Variants in RAB11FIP5 observed in about 807,000 individuals in gnomAD.
The protein encoded by RAB11FIP5 is rab11 family-interacting protein 5.
A neutral mutation model predicts 85.1 loss-of-function variants in RAB11FIP5; 48 were observed. The ratio of observed to expected loss-of-function variants is 0.56; its 90% confidence interval spans 0.45 to 0.72. The LOEUF (loss-of-function observed/expected upper bound fraction) is 0.72, where lower values mean the gene tolerates loss of function less well. Ranked by LOEUF, RAB11FIP5 falls within the 30% of genes least tolerant of loss-of-function variation. The pLI is 0.00. For missense variants in RAB11FIP5, 1,491 were observed against 1,687.0 expected (o/e 0.88, Z 2.04); for synonymous variants, 729 against 727.3 (o/e 1.00, Z -0.04).
At chr2:73,105,498 C>T (rs1684507028) in intron 1 of RAB11FIP5, among the ~76,000 whole-genome samples, 1 of 152,030 alleles carries the variant, frequency 6.6e-6, no homozygotes, top group Non-Finnish European at 1.5e-5. Flanking sequence ...CTGACGCGGC[C>T]TCCCAAAGTG....
chr2:73,112,812 G>C lies in RAB11FIP5; in HGVS notation c.-35C>G. On this transcript the variant is annotated 5_prime_UTR_variant, in exon 1 of 6. Transcript: ENST00000486777. ...GCGGGGGGCGAGGTCTGGCCGAGCC[G>C]GTGCAGACCCCAGGACCTGGTGACA... 7.2e-7 allele frequency: 1 copy of C among 1,397,772 alleles called. No individual in the cohort carries two copies. The highest frequency in any genetic ancestry group is 9.2e-7 in the Non-Finnish European group (1 of 1,085,902). 86.6% of individuals were successfully genotyped at this position (1,397,772 alleles called of 1,614,324 possible). A position where few individuals can be genotyped will look rare whatever the true frequency, so the allele number is the denominator to read the frequency against.
At position 73,080,429 on chromosome 2, in the gene RAB11FIP5, C is replaced by T. The variant is rs114231807; in HGVS notation, c.2803G>A (p.Glu935Lys). Reference protein sequence around the residue: ...LSNRGPETEGEDASPSALVVG... With the variant: ...LSNRGPETEGKDASPSALVVG... ...ACCAGTGCACTTGGGGAGGCATCTT[C>T]TCCCTCTGTCTCCGGCCCCCTGTTA... Residue 935 changes from glutamate (E) to lysine (K), a missense_variant, in exon 4 of 6, where the codon GAA becomes AAA. By Grantham distance (56) the Glu-to-Lys change is moderately conservative. This residue lies in a region of RAB11FIP5 where 1,211 missense variants were observed against 1,338.0 expected (regional missense o/e 0.91). Coordinates refer to ENST00000486777, the MANE Select transcript of RAB11FIP5 (RefSeq NM_001371272.1). The T allele has an allele frequency of 9.6e-4, 1,185 of 1,233,518 alleles. 7 individuals are homozygous for T. The African/African-American group carries it at 0.015, about 15-fold the overall frequency. 76.4% of individuals were successfully genotyped at this position (1,233,518 alleles called of 1,614,324 possible). A position where few individuals can be genotyped will look rare whatever the true frequency, so the allele number is the denominator to read the frequency against.
intron 3 of RAB11FIP5, among the ~76,000 whole-genome samples, chr2:73,087,276 A>G (rs1229101441): frequency 1.3e-5 from 2 of 152,206 alleles, no homozygotes; most frequent in African/African-American, 4.8e-5. Context: ...ACAATTCTGC[A>G]GCCTCTCCTG....
At chr2:73,082,177 A>T (rs1217558783) in intron 3 of RAB11FIP5, among the ~76,000 whole-genome samples, 2 of 151,828 alleles carry the variant, frequency 1.3e-5, no homozygotes, top group African/African-American at 4.8e-5. Flanking sequence ...CACCTGAATA[A>T]TTTTTGTATT....
intron 3 of RAB11FIP5, among the ~76,000 whole-genome samples, chr2:73,082,029 G>A (rs979442283): frequency 2.0e-5 from 3 of 146,846 alleles, no homozygotes; most frequent in Admixed American, 6.8e-5. Flanking sequence ...ATCTGAAAGC[G>A]CCTTACATCC....
chr2:73,101,366 C>T (rs1201282534), intron 1 of RAB11FIP5, among the ~76,000 whole-genome samples: 1 of 152,116 alleles, frequency 6.6e-6, no homozygotes, highest in Non-Finnish European at 1.5e-5. Context: ...TATTTGGATC[C>T]TAACTCAACA....
Position 73,080,027 on chromosome 2 carries a change from G to A in RAB11FIP5, c.3205C>T (p.Gln1069Ter), listed in dbSNP as rs967506479. 1.6e-6 allele frequency: 2 copies of A among 1,232,110 alleles called. No homozygotes were observed. Among genetic ancestry groups the A allele is most frequent in the Non-Finnish European group, 2.0e-6 (2 of 988,080 alleles). 76.3% of individuals were successfully genotyped at this position (1,232,110 alleles called of 1,614,324 possible). A position where few individuals can be genotyped will look rare whatever the true frequency, so the allele number is the denominator to read the frequency against. Residue 1069 changes from glutamine to a stop codon, truncating the protein, a stop_gained, in exon 4 of 6, where the codon CAG becomes TAG. Transcript: ENST00000486777. LOFTEE classifies it high-confidence loss of function. ...AGGCTGGGAGGATCTCGGCTCCCCT[G>A]AAACAAGAAGGGGTTCAAGGCATCT... ...KEDALNPFLF[Q>*]GSRDPPSLSS...
At chr2:73,090,735 T>C (rs1348411772) in intron 1 of RAB11FIP5, among the ~76,000 whole-genome samples, 2 of 152,200 alleles carry the variant, frequency 1.3e-5, no homozygotes, top group South Asian at 2.1e-4. Flanking sequence ...TGCTGGGGGA[T>C]TGAAGAGAGG....
At chr2:73,092,007 G>A (rs944550256) in intron 1 of RAB11FIP5, among the ~76,000 whole-genome samples, 3 of 152,210 alleles carry the variant, frequency 2.0e-5, no homozygotes, top group African/African-American at 7.2e-5. Flanking sequence ...ACTGGAGGAT[G>A]TATGTGAGGG....
rs1455462483 is a variant in RAB11FIP5 at position 73,112,354 on chromosome 2, G to T, written c.424C>A (p.His142Asn). The T allele has an allele frequency of 1.9e-6, 3 of 1,584,056 alleles. No individual in the cohort carries two copies. Among genetic ancestry groups the T allele is most frequent in the Non-Finnish European group, 2.6e-6 (3 of 1,171,690 alleles). ...CCCGCGCCCCCTACTCACTGCGTGT[G>T]CTGGGCGCGGCCTGCGCCGAAGACC... Reference protein sequence around the residue: ...DEVFGAGRAQHTQWYKLHSKP... With the variant: ...DEVFGAGRAQNTQWYKLHSKP... Residue 142 changes from histidine (H) to asparagine (N), a missense_variant, in exon 1 of 6, where the codon CAC becomes AAC. Transcript: ENST00000486777.
chr2:73,090,559 A>G (rs1684189259), intron 1 of RAB11FIP5, among the ~76,000 whole-genome samples: 1 of 152,250 alleles, frequency 6.6e-6, no homozygotes, highest in East Asian at 1.9e-4. Context: ...ATGGAATACT[A>G]CTTAATGATA....
rs780787094 is a variant in RAB11FIP5, at chr2:73,088,114, C to T, written c.1504G>A (p.Glu502Lys). The T allele has an allele frequency of 4.7e-5, 76 of 1,613,504 alleles. No individual in the cohort carries two copies. Among genetic ancestry groups the T allele is most frequent in the Non-Finnish European group, 6.3e-5 (74 of 1,179,754 alleles). The stretch of plus-strand genomic sequence containing the variant: ...AACCAGCTACTCTTGGCCTTTTCCT[C>T]CCCACTGGATGAGTGATGTGGGGAG... ...GASPHHSSSG[E>K]EKAKSSWFGL... is the part of the protein sequence containing the mutation. The change falls in exon 3 of 6, where the codon GAG becomes AAG. Residue 502 changes from glutamate to lysine, a missense_variant. Physicochemically the swap from Glu to Lys is moderately conservative, Grantham distance 56 (BLOSUM62 1). Coordinates refer to ENST00000486777, the MANE Select transcript of RAB11FIP5 (RefSeq NM_001371272.1).
At chr2:73,095,978 C>T (rs989944707) in intron 1 of RAB11FIP5, among the ~76,000 whole-genome samples, 3 of 152,218 alleles carry the variant, frequency 2.0e-5, no homozygotes, top group African/African-American at 7.2e-5. Flanking sequence ...CAGCCTCCCT[C>T]AGAAGCCATC....
rs1051630353 is a variant in RAB11FIP5 at position 73,078,966 on chromosome 2, C to T, written c.3581+685G>A. On this transcript the variant is annotated intron_variant, in intron 4 of 5. Transcript: ENST00000486777. This position sits in a 1 kb window ranked among gnomAD's most constrained non-coding sequence, Gnocchi z 4.4. The stretch of plus-strand genomic sequence containing the variant: ...ACACAGGCATCCGCTGTCCACTCAG[C>T]GGTCCTAAGTGCATCAGAACCACCC... Among the ~76,000 whole-genome samples the T allele has an allele frequency of 1.3e-5, 2 of 152,230 alleles. No homozygotes were observed. Among genetic ancestry groups the T allele is most frequent in the South Asian group, 2.1e-4 (1 of 4,834 alleles).
chr2:73,091,076 G>A (rs1684198605), intron 1 of RAB11FIP5, among the ~76,000 whole-genome samples: 1 of 152,116 alleles, frequency 6.6e-6, no homozygotes, highest in African/African-American at 2.4e-5. Context: ...CTAAAAAAAA[G>A]AGAGCAGGGA....
intron 1 of RAB11FIP5, among the ~76,000 whole-genome samples, chr2:73,111,400 C>T (rs1191885960): frequency 1.3e-5 from 2 of 152,158 alleles, no homozygotes; most frequent in Non-Finnish European, 2.9e-5. Context: ...AATCCCCTTA[C>T]CCTCCTACCC....
chr2:73,107,664 G>T (rs1039300085), intron 1 of RAB11FIP5, among the ~76,000 whole-genome samples: 1 of 152,184 alleles, frequency 6.6e-6, no homozygotes, highest in African/African-American at 2.4e-5. Context: ...AGACGCTGCT[G>T]CTCAAGCAAC....
intron 3 of RAB11FIP5, 71 bp downstream of exon 3, chr2:73,087,978 GC>G: frequency 1.4e-6 from 2 of 1,419,764 alleles, no homozygotes; most frequent in Non-Finnish European, 1.9e-6. Flanking sequence ...CTTCCTCCCT[GC>G]CCCAGGGTCC....
chr2:73,106,887 G>T (rs1684538071), intron 1 of RAB11FIP5, among the ~76,000 whole-genome samples: 1 of 151,992 alleles, frequency 6.6e-6, no homozygotes, highest in African/African-American at 2.4e-5. Flanking sequence ...AGGTCACAGT[G>T]GCCTGTGATA....
Sources: allele counts gnomAD v4.1 joint callset (sites outside exome capture counted in the v4.1 genomes callset), GRCh38; gene constraint gnomAD v4.1.1; regional missense constraint gnomAD v4.1.1; non-coding constraint Gnocchi (gnomAD v3.1); transcripts MANE v1.5; gene names NCBI Gene and HGNC (gene_info 2026-07-23, HGNC 2026-07-21).